The following SLC17A6 variants were observed in gnomAD, a reference collection of about 807,000 sequenced individuals.
The protein encoded by SLC17A6 is solute carrier family 17 member 6, also known as vesicular glutamate transporter 2.
SLC17A6 carries 35 observed loss-of-function variants against 67.1 expected under a neutral mutation model. The observed-to-expected ratio is 0.52, with a 90% CI of 0.40 to 0.69. The LOEUF is 0.69. SLC17A6 is among the 30% of genes least tolerant of loss of function. SLC17A6 has a pLI of 0.00. For missense variants in SLC17A6, 588 were observed against 723.9 expected (o/e 0.81, Z 2.15); for synonymous variants, 285 against 252.3 (o/e 1.13, Z -1.23).
intron 1 of SLC17A6, among the ~76,000 whole-genome samples, chr11:22,340,444 G>C (rs1855802580): frequency 6.6e-6 from 1 of 151,920 alleles, no homozygotes; most frequent in East Asian, 1.9e-4. Context: ...CTTTTCATTT[G>C]TCCCTTCTCC....
chr11:22,375,006 T>C, intron 9 of SLC17A6, 119 bp downstream of exon 9: 1 of 1,016,740 alleles, frequency 9.8e-7, no homozygotes, highest in East Asian at 2.8e-5. Context: ...TGTGCCTTCA[T>C]TATTCACTTA....
At chr11:22,362,509 C>T (rs117273360) in intron 5 of SLC17A6, among the ~76,000 whole-genome samples, 5 of 152,098 alleles carry the variant, frequency 3.3e-5, no homozygotes, top group Admixed American at 3.3e-4. Flanking sequence ...ATTTTTAAAT[C>T]TCTGTTGTGT....
Position 22,377,388 on chromosome 11 carries a change from G to A in SLC17A6, c.1414-17G>A, listed in dbSNP as rs1196999396. The A allele has an allele frequency of 3.2e-6, 5 of 1,584,954 alleles. No individual in the cohort carries two copies. In the Admixed American group the frequency reaches 7.0e-5, roughly 22 times the overall value. ...ATGGGGAGTCAGTTCTCACAGTGCTGCTTTTTCTCACTGCAGTCACGTGAA... is the reference window on the plus strand; with the variant it reads ...ATGGGGAGTCAGTTCTCACAGTGCTACTTTTTCTCACTGCAGTCACGTGAA... On this transcript the variant is annotated splice_polypyrimidine_tract_variant and intron_variant, in intron 11 of 11. Transcript: ENST00000263160.
At chr11:22,356,156 A>G (rs1481125730) in intron 3 of SLC17A6, among the ~76,000 whole-genome samples, 1 of 152,186 alleles carries the variant, frequency 6.6e-6, no homozygotes, top group Admixed American at 6.5e-5. Context: ...AACAACTCAG[A>G]GAGTTGTTGT....
chr11:22,354,078 A>AT (rs201395781), intron 3 of SLC17A6, among the ~76,000 whole-genome samples: 1 of 149,524 alleles, frequency 6.7e-6, no homozygotes, highest in Non-Finnish European at 1.5e-5. Flanking sequence ...AACAATTTAT[A>AT]TTTTTTTTCT....
chr11:22,347,537 A>C (rs747021383), intron 3 of SLC17A6, among the ~76,000 whole-genome samples: 1 of 152,176 alleles, frequency 6.6e-6, no homozygotes. Flanking sequence ...AACCTCTGTG[A>C]CTATTCAGCT....
Position 22,341,509 on chromosome 11 carries a change from C to G in SLC17A6, c.87-19C>G, listed in dbSNP as rs764945717. The G allele has an allele frequency of 1.2e-6, 2 of 1,610,154 alleles. No homozygotes were observed. The highest frequency in any genetic ancestry group is 3.3e-5 in the Admixed American group (2 of 59,938). On this transcript the variant is annotated intron_variant, in intron 1 of 11. Transcript: ENST00000263160. Reference sequence around the variant, plus strand: ...CCTAAGCCGCCAAGTCCTTGACTCGCCCCTGCTCTGCCGCGCAGGGTGCTG... The same window carrying G: ...CCTAAGCCGCCAAGTCCTTGACTCGGCCCTGCTCTGCCGCGCAGGGTGCTG...
chr11:22,341,081 A>C (rs1388140083), intron 1 of SLC17A6, among the ~76,000 whole-genome samples: 15 of 152,198 alleles, frequency 9.9e-5, no homozygotes, highest in Admixed American at 9.8e-4. Flanking sequence ...GCTGTGTTGC[A>C]GGAGGACACC....
intron 3 of SLC17A6, among the ~76,000 whole-genome samples, chr11:22,358,053 T>C (rs971779567): frequency 1.2e-4 from 19 of 152,306 alleles, no homozygotes; most frequent in African/African-American, 3.4e-4. Flanking sequence ...AGCTGATTAA[T>C]AATAATCATA....
In SLC17A6 at chr11:22,345,614, T is replaced by C. The variant is rs568594613; in HGVS notation, c.458+2249T>C. On this transcript the variant is annotated intron_variant, in intron 3 of 11. Transcript: ENST00000263160. ...GTTATGTTCTATGATACTGAGAAAA[T>C]TAAATTAAAAATGTATTGTAAAATA... Among the ~76,000 whole-genome samples, 276 of 152,258 alleles carry C rather than the reference T, an allele frequency of 1.8e-3. 1 individual carries two copies. The highest frequency in any genetic ancestry group is 6.2e-3 in the African/African-American group (259 of 41,542).
chr11:22,347,878 T>TC (rs1381992394), intron 3 of SLC17A6, among the ~76,000 whole-genome samples: 1 of 152,208 alleles, frequency 6.6e-6, no homozygotes, highest in Non-Finnish European at 1.5e-5. Flanking sequence ...TAGTTTATTT[T>TC]CCCCTACCGT....
rs780927615 is a variant in SLC17A6, at chr11:22,365,626, T to A, written c.828T>A (p.Asp276Glu). Residue 276 changes from aspartate (D) to glutamate (E), a missense_variant, in exon 7 of 12, where the codon GAT (aspartate) becomes GAA (glutamate). Physicochemically the swap from Asp to Glu is conservative, Grantham distance 45. Around this residue, in one of 4 missense-constraint regions of SLC17A6, gnomAD observed 414 missense variants for 563.4 expected, o/e 0.73. Coordinates refer to ENST00000263160, the MANE Select transcript of SLC17A6 (RefSeq NM_020346.3). ...CTGCAAAGCATCCTACTATTACAGA[T>A]GAAGAACGTAGGTACATAGAAGAAA... ...ESPAKHPTIT[D>E]EERRYIEESI... is the part of the protein sequence containing the mutation. 6.2e-7 allele frequency: 1 copy of A among 1,613,990 alleles called. No homozygotes were observed. The highest frequency in any genetic ancestry group is 1.1e-5 in the South Asian group (1 of 91,076).
intron 10 of SLC17A6, 127 bp from the exon 11 acceptor site, chr11:22,376,418 T>A: frequency 2.0e-6 from 2 of 1,016,760 alleles, no homozygotes; most frequent in Non-Finnish European, 2.9e-6. Flanking sequence ...AGAGAAATTA[T>A]CACAAAGTAA....
chr11:22,341,905 C>G (rs1197228837), intron 2 of SLC17A6, 125 bp downstream of exon 2: 4 of 1,378,046 alleles, frequency 2.9e-6, no homozygotes, highest in African/African-American at 2.9e-5. Flanking sequence ...CTAAGCTCCT[C>G]TCTGGCTCTG....
chr11:22,376,699 T>G (rs1049586399), intron 11 of SLC17A6, 27 bp downstream of exon 11: 1 of 1,611,456 alleles, frequency 6.2e-7, no homozygotes, highest in Non-Finnish European at 8.5e-7. Context: ...AGATGTTTAG[T>G]CATAGAAGAC....
At chr11:22,361,709 A>T (rs1388587672) in intron 5 of SLC17A6, among the ~76,000 whole-genome samples, 1 of 148,792 alleles carries the variant, frequency 6.7e-6, no homozygotes, top group Non-Finnish European at 1.5e-5. Flanking sequence ...TGCTAATCTG[A>T]AGCTACTTTT....
At chr11:22,376,957 C>T (rs1404511604) in intron 11 of SLC17A6, among the ~76,000 whole-genome samples, 1 of 152,130 alleles carries the variant, frequency 6.6e-6, no homozygotes, top group Non-Finnish European at 1.5e-5. Flanking sequence ...TTAAAATACT[C>T]AAGCAGATGT....
chr11:22,359,703 T>C (rs1438760914), intron 4 of SLC17A6, among the ~76,000 whole-genome samples, 176 bp downstream of exon 4: 3 of 152,192 alleles, frequency 2.0e-5, no homozygotes, highest in Non-Finnish European at 2.9e-5. Flanking sequence ...CCATAAATGA[T>C]ATGAAACCAT....
chr11:22,346,696 G>A (rs1441043630), intron 3 of SLC17A6, among the ~76,000 whole-genome samples: 2 of 151,520 alleles, frequency 1.3e-5, no homozygotes, highest in African/African-American at 4.8e-5. Context: ...ACAGGACATC[G>A]GCTTATAGTA....
Sources: gnomAD v4.1 joint callset for allele counts (sites outside exome capture counted in the v4.1 genomes callset) on GRCh38, gnomAD v4.1.1 for gene constraint, gnomAD v4.1.1 regional missense constraint, MANE v1.5 for transcripts, NCBI Gene and HGNC (gene_info 2026-07-23, HGNC 2026-07-21) for gene names.